The following COG7 variants were observed in gnomAD, a reference collection of about 807,000 sequenced individuals.
COG7 encodes the protein conserved oligomeric Golgi complex subunit 7.
Under a neutral mutation model 91.5 loss-of-function variants are expected in COG7, and 49 were observed. That is an observed-to-expected ratio of 0.54 (90% CI 0.43 to 0.68). The LOEUF (loss-of-function observed/expected upper bound fraction) is 0.68, where lower values mean the gene tolerates loss of function less well. COG7 is among the 30% of genes least tolerant of loss of function. The pLI is 0.00. For missense variants in COG7, 895 were observed against 961.3 expected, an observed-to-expected ratio of 0.93 and a Z score of 0.91; for synonymous variants, 365 against 388.7, an observed-to-expected ratio of 0.94 and a Z score of 0.72.
chr16:23,390,510 C>G (rs770348426), intron 16 of COG7, among the ~76,000 whole-genome samples: 2 of 151,624 alleles, frequency 1.3e-5, no homozygotes, highest in Admixed American at 6.6e-5. Flanking sequence ...AGTGCCCCCC[C>G]ACCGGCTACT....
intron 11 of COG7, 138 bp downstream of exon 11, chr16:23,410,157 G>T: frequency 2.8e-6 from 2 of 719,684 alleles, no homozygotes; most frequent in Non-Finnish European, 5.1e-6. Context: ...ATGACACGCT[G>T]TATCTAGGTA....
At chr16:23,415,526 C>G (rs1479529571) in intron 9 of COG7, 1 of 152,188 alleles carries the variant, frequency 6.6e-6, no homozygotes, top group African/African-American at 2.4e-5. Context: ...TTCCAATTGT[C>G]AACCATGTCA....
At position 23,416,796 on chromosome 16, in the gene COG7, T is replaced by C. The variant is rs868308158; in HGVS notation, c.1292+171A>G. 7.1e-5 allele frequency: 53 copies of C among 745,592 alleles called. No individual in the cohort carries two copies. The Middle Eastern group carries it at 2.6e-3, about 36-fold the overall frequency. The allele number at this position is 745,592 out of a possible 1,614,324, so 46.2% of individuals were successfully genotyped here. On this transcript the variant is annotated intron_variant, in intron 9 of 16. Transcript: ENST00000307149. Reference sequence around the variant, plus strand: ...GGGTAGACATTTACGTTGTTTCAAATGTTCCACCATTACAAACAATGCCAC... The same window carrying C: ...GGGTAGACATTTACGTTGTTTCAAACGTTCCACCATTACAAACAATGCCAC...
chr16:23,436,876 T>G (rs1022598721), intron 4 of COG7, among the ~76,000 whole-genome samples: 1 of 152,130 alleles, frequency 6.6e-6, no homozygotes, highest in African/African-American at 2.4e-5. Flanking sequence ...AAGAAAACAT[T>G]GTTTTATCTG....
At chr16:23,410,269 AGAG>A (rs1440457222) in intron 11 of COG7, 23 bp downstream of exon 11, 2 of 1,605,172 alleles carry the variant, frequency 1.2e-6, no homozygotes, top group Admixed American at 3.3e-5. Context: ...CCCAGGGTGT[AGAG>A]GACAATGACT....
At chr16:23,409,213 G>A (rs745502825) in intron 11 of COG7, among the ~76,000 whole-genome samples, 1 of 152,124 alleles carries the variant, frequency 6.6e-6, no homozygotes, top group Non-Finnish European at 1.5e-5. Context: ...CAACAGGCGG[G>A]TGGCAGAGGC....
intron 3 of COG7, 125 bp from the exon 4 acceptor site, chr16:23,442,770 T>A: frequency 1.2e-6 from 1 of 860,040 alleles, no homozygotes; most frequent in Non-Finnish European, 1.9e-6. Flanking sequence ...TCGTGGTGGT[T>A]CATGCCTGTA....
intron 9 of COG7, chr16:23,414,179 A>G (rs1463059758): frequency 1.3e-5 from 2 of 155,130 alleles, no homozygotes; most frequent in Admixed American, 6.3e-5. Context: ...CCCTCACAGC[A>G]TCTAAAACAC....
At chr16:23,442,816 C>T (rs550814599) in intron 3 of COG7, among the ~76,000 whole-genome samples, 171 bp from the exon 4 acceptor site, 15 of 151,724 alleles carry the variant, frequency 9.9e-5, no homozygotes, top group East Asian at 9.7e-4. Flanking sequence ...CAGGAGGATC[C>T]CTTGAAGCCA....
At chr16:23,436,769 C>T (rs1964019747) in intron 4 of COG7, among the ~76,000 whole-genome samples, 2 of 152,250 alleles carry the variant, frequency 1.3e-5, no homozygotes, top group Middle Eastern at 3.4e-3. Flanking sequence ...AGAACTACCT[C>T]AGCCTTCCAG....
intron 14 of COG7, among the ~76,000 whole-genome samples, chr16:23,393,775 C>T (rs1963238989): frequency 6.6e-6 from 1 of 152,096 alleles, no homozygotes; most frequent in Non-Finnish European, 1.5e-5. Context: ...GGCACAGTGG[C>T]TCACACCTGT....
rs139833665 is a variant in COG7 at position 23,388,911 on chromosome 16, G to A, written c.*9C>T. 4 of 1,613,940 alleles carry A rather than the reference G, an allele frequency of 2.5e-6. 1 individual carries two copies. In the African/African-American group the frequency reaches 4.0e-5, roughly 16 times the overall value. On this transcript the variant is annotated 3_prime_UTR_variant, in exon 17 of 17. Transcript: ENST00000307149. The stretch of plus-strand genomic sequence containing the variant: ...CCTGGCTCTCTTGGTGGTCCGGTGT[G>A]TGGTGGGGTCAGTAATTCACACTCC...
chr16:23,417,125 G>T lies in COG7; in HGVS notation c.1138-4C>A, dbSNP rs369124305. On this transcript the variant is annotated splice_polypyrimidine_tract_variant and splice_region_variant and intron_variant, in intron 8 of 16. Transcript: ENST00000307149. ...AGTCAATCACTTCCCCATGCTCCTG[G>T]TCAGCAAATACAGACAAAGCTGCAT... The T allele has an allele frequency of 1.2e-6, 2 of 1,614,088 alleles. No homozygotes were observed. The highest frequency in any genetic ancestry group is 1.7e-6 in the Non-Finnish European group (2 of 1,180,028).
chr16:23,399,210 C>T (rs756179084), intron 13 of COG7, among the ~76,000 whole-genome samples: 9 of 152,306 alleles, frequency 5.9e-5, no homozygotes, highest in Non-Finnish European at 1.0e-4. Context: ...TGCTCTCTAG[C>T]GCCCACTTGA....
intron 4 of COG7, among the ~76,000 whole-genome samples, chr16:23,440,665 T>C (rs1964086346): frequency 6.6e-6 from 1 of 151,942 alleles, no homozygotes; most frequent in South Asian, 2.1e-4. Context: ...CTGTGATACC[T>C]CGGCTTGTCT....
rs554203786 is a variant in COG7, at chr16:23,405,799, G to C, written c.1662+277C>G. 2.6e-5 allele frequency among the ~76,000 whole-genome samples: 4 copies of C among 152,236 alleles called. No individual in the cohort carries two copies. In the South Asian group the frequency reaches 8.3e-4, roughly 32 times the overall value. On this transcript the variant is annotated intron_variant, in intron 12 of 16. Coordinates refer to ENST00000307149, the MANE Select transcript of COG7 (RefSeq NM_153603.4). ...CCCAAAGTGCTGGGATTACAGGTGT[G>C]AGCCACCACACCTGGCCTAAAGCCA...
At chr16:23,413,839 C>A (rs749460345) in intron 9 of COG7, 9 of 388,386 alleles carry the variant, frequency 2.3e-5, no homozygotes, top group East Asian at 5.7e-5. Flanking sequence ...CAGGGAGCAA[C>A]CAGGTGAGAG....
chr16:23,389,555 C>T, intron 16 of COG7, among the ~76,000 whole-genome samples: 1 of 152,142 alleles, frequency 6.6e-6, no homozygotes, highest in Non-Finnish European at 1.5e-5. Context: ...TCCTGGGTTC[C>T]AAGCCCTGGC....
chr16:23,413,467 C>A lies in COG7; in HGVS notation c.1390G>T (p.Ala464Ser). ...PNSLFQEDWTAFQNSIRIIAT... is the reference protein window; with the variant it reads ...PNSLFQEDWTSFQNSIRIIAT... ...GTTTACCTAATGGAGTTCTGAAAAG[C>A]CGTCCAATCTTCCTGGAAGAGGGAG... Residue 464 changes from alanine (A) to serine (S), a missense_variant, in exon 10 of 17, where the codon GCT becomes TCT. Coordinates refer to ENST00000307149, the MANE Select transcript of COG7 (RefSeq NM_153603.4). The A allele has an allele frequency of 6.2e-7, 1 of 1,600,484 alleles. No homozygotes were observed. Among genetic ancestry groups the A allele is most frequent in the Non-Finnish European group, 8.6e-7 (1 of 1,167,550 alleles).
Sources: gnomAD v4.1 joint callset for allele counts (sites outside exome capture counted in the v4.1 genomes callset) on GRCh38, gnomAD v4.1.1 for gene constraint, MANE v1.5 for transcripts, NCBI Gene and HGNC (gene_info 2026-07-23, HGNC 2026-07-21) for gene names.